Variants in RYR2 observed in about 807,000 individuals in gnomAD.
RYR2 encodes ryanodine receptor 2, also known as cardiac muscle ryanodine receptor-calcium release channel.
RYR2 carries 227 observed loss-of-function variants against 601.1 expected under a neutral mutation model. The ratio of observed to expected loss-of-function variants is 0.38; its 90% CI spans 0.34 to 0.42. The LOEUF (loss-of-function observed/expected upper bound fraction) is 0.42, where lower values mean the gene tolerates loss of function less well. RYR2 is among the 10% of genes least tolerant of loss of function. The probability of loss-of-function intolerance (pLI) is 1.00; values close to 1 mark genes in which losing one functional copy is unlikely to be tolerated. For missense variants in RYR2, 4,646 were observed against 6,156.5 expected (o/e 0.75, Z 8.21); for synonymous variants, 2,223 against 2,175.1 (o/e 1.02, Z -0.61).
intron 2 of RYR2, among the ~76,000 whole-genome samples, chr1:237,313,234 G>A (rs565885033): frequency 4.7e-5 from 7 of 150,448 alleles, no homozygotes; most frequent in South Asian, 2.1e-4. Context: ...GGAGTATGTC[G>A]TAGGCTGAAT....
intron 40 of RYR2, 44 bp from the exon 41 acceptor site, chr1:237,627,763 T>C: frequency 2.0e-6 from 3 of 1,512,162 alleles, no homozygotes; most frequent in Non-Finnish European, 2.7e-6. Flanking sequence ...CTGATTTGTC[T>C]TCTCTTATTT....
chr1:237,689,308 T>A (rs1210000752), intron 63 of RYR2, among the ~76,000 whole-genome samples: 1 of 152,266 alleles, frequency 6.6e-6, no homozygotes, highest in African/African-American at 2.4e-5. Flanking sequence ...TGAAAATGTA[T>A]ATGCATATAC....
intron 17 of RYR2, among the ~76,000 whole-genome samples, chr1:237,469,688 G>C (rs2150305710): frequency 6.6e-6 from 1 of 152,182 alleles, no homozygotes; most frequent in East Asian, 1.9e-4. Flanking sequence ...GATCAGTTTG[G>C]AGTTCTCATT....
intron 100 of RYR2, 101 bp downstream of exon 100, chr1:237,809,136 A>G (rs963115439): frequency 9.0e-7 from 1 of 1,108,274 alleles, no homozygotes; most frequent in African/African-American, 1.6e-5. Flanking sequence ...AATAGAAAAT[A>G]GTCTAAACAA....
intron 100 of RYR2, among the ~76,000 whole-genome samples, chr1:237,814,144 G>A (rs983152784): frequency 3.9e-5 from 6 of 152,142 alleles, no homozygotes; most frequent in Non-Finnish European, 5.9e-5. Context: ...ACTTGTGCAG[G>A]GGCTTCTTTA....
chr1:237,465,096 A>G (rs573978264), intron 16 of RYR2, among the ~76,000 whole-genome samples: 2 of 150,480 alleles, frequency 1.3e-5, no homozygotes, highest in South Asian at 4.2e-4. Flanking sequence ...ACATGCACAC[A>G]CACACACACA....
chr1:237,708,263 G>A (rs564382076), intron 68 of RYR2, among the ~76,000 whole-genome samples: 15 of 152,202 alleles, frequency 9.9e-5, no homozygotes, highest in Admixed American at 2.0e-4. Flanking sequence ...ATTAATTTGG[G>A]TAGATGATTA....
At chr1:237,455,962 T>TCTG (rs1032897175) in intron 15 of RYR2, among the ~76,000 whole-genome samples, 14 of 152,192 alleles carry the variant, frequency 9.2e-5, no homozygotes, top group African/African-American at 2.6e-4. Context: ...TATAAGACAA[T>TCTG]CTGGATGGGG....
chr1:237,072,606 G>GT (rs1664500226), intron 1 of RYR2, among the ~76,000 whole-genome samples: 1 of 152,032 alleles, frequency 6.6e-6, no homozygotes, highest in Non-Finnish European at 1.5e-5. Flanking sequence ...AAATGGATTT[G>GT]GAAACTCGTA....
intron 41 of RYR2, 45 bp downstream of exon 41, chr1:237,628,125 C>T (rs1023744586): frequency 6.3e-7 from 1 of 1,595,254 alleles, no homozygotes; most frequent in East Asian, 2.2e-5. Flanking sequence ...TAAATGTTTT[C>T]TAATTGTTAT....
intron 104 of RYR2, 91 bp downstream of exon 104, chr1:237,831,656 C>T (rs1472668755): frequency 2.7e-6 from 2 of 735,402 alleles, no homozygotes; most frequent in Non-Finnish European, 2.3e-6. Flanking sequence ...CAGTGAGGCA[C>T]GGAATTACTT....
chr1:237,292,154 G>T (rs1692291786), intron 2 of RYR2, among the ~76,000 whole-genome samples: 1 of 152,184 alleles, frequency 6.6e-6, no homozygotes, highest in Non-Finnish European at 1.5e-5. Flanking sequence ...CGGCAGTAGA[G>T]AAATTGATAA....
At chr1:237,312,580 A>G (rs1306656963) in intron 2 of RYR2, among the ~76,000 whole-genome samples, 2 of 152,218 alleles carry the variant, frequency 1.3e-5, no homozygotes, top group East Asian at 1.9e-4. Flanking sequence ...ATATTTTGAA[A>G]TGAATGTTTG....
At chr1:237,133,941 C>G (rs375086462) in intron 1 of RYR2, among the ~76,000 whole-genome samples, 1 of 60,772 alleles carries the variant, frequency 1.6e-5, no homozygotes, top group Non-Finnish European at 4.0e-5. Context: ...AAAAAAAAAA[C>G]CAAGTGGGAG....
At chr1:237,770,930 T>A (rs1558379595) in intron 85 of RYR2, 43 bp downstream of exon 85, 1 of 1,251,222 alleles carries the variant, frequency 8.0e-7, no homozygotes. Context: ...AAGGCATAAA[T>A]AATGTTTTCA....
chr1:237,606,735 AAAC>A (rs1302385102), intron 35 of RYR2, among the ~76,000 whole-genome samples: 1 of 152,184 alleles, frequency 6.6e-6, no homozygotes, highest in Non-Finnish European at 1.5e-5. Context: ...TACAAGAAAA[AAAC>A]AAACAACCCC....
rs143729776 is a variant in RYR2, at chr1:237,529,247, A to C, written c.2823-1180A>C. Among the ~76,000 whole-genome samples, 51 of 152,244 alleles carry C rather than the reference A, an allele frequency of 3.3e-4. No homozygotes were observed. The East Asian group carries it at 9.5e-3, about 28-fold the overall frequency. Reference sequence around the variant, plus strand: ...CTGATCAATCCCTTTCAACGTGCACATTCTTTATTCAGCTTATTTTGTACC... The same window carrying C: ...CTGATCAATCCCTTTCAACGTGCACCTTCTTTATTCAGCTTATTTTGTACC... On this transcript the variant is annotated intron_variant, in intron 24 of 104. Coordinates refer to ENST00000366574, the MANE Select transcript of RYR2 (RefSeq NM_001035.3).
chr1:237,536,714 CAAAAAAAAAAA>C (rs71561885), intron 25 of RYR2, among the ~76,000 whole-genome samples: 2 of 54,420 alleles, frequency 3.7e-5, no homozygotes, highest in Non-Finnish European at 6.7e-5. Context: ...GATTCCGTCT[CAAAAAAAAAAA>C]AAAAAAAAAA....
intron 29 of RYR2, among the ~76,000 whole-genome samples, chr1:237,586,241 T>C (rs996380938): frequency 2.6e-5 from 4 of 152,252 alleles, no homozygotes; most frequent in Non-Finnish European, 5.9e-5. Context: ...TTTATCTCTC[T>C]CTACAGTTTA....
Sources: gnomAD v4.1 joint callset for allele counts (sites outside exome capture counted in the v4.1 genomes callset) on GRCh38, gnomAD v4.1.1 for gene constraint, MANE v1.5 for transcripts, NCBI Gene and HGNC (gene_info 2026-07-23, HGNC 2026-07-21) for gene names.